Variants in SPATA16 observed in about 807,000 individuals in gnomAD.
SPATA16 encodes spermatogenesis-associated protein 16.
Under a neutral mutation model 63.3 loss-of-function variants are expected in SPATA16, and 36 were observed. That is an observed-to-expected ratio of 0.57 (90% CI 0.44 to 0.75). The LOEUF (loss-of-function observed/expected upper bound fraction) is 0.75, where lower values mean the gene tolerates loss of function less well. Ranked by LOEUF, SPATA16 falls within the 30% of genes least tolerant of loss-of-function variation. SPATA16 has a pLI of 0.00. For synonymous variants in SPATA16, 203 were observed against 216.7 expected (o/e 0.94, Z 0.56); for missense variants, 646 against 679.3 (o/e 0.95, Z 0.54).
chr3:172,985,072 A>G (rs776860727), intron 4 of SPATA16, among the ~76,000 whole-genome samples: 7 of 152,170 alleles, frequency 4.6e-5, no homozygotes, highest in Admixed American at 4.6e-4. Flanking sequence ...TCTAAAAACT[A>G]TATTCACTGT....
At chr3:172,904,635 C>T (rs753211480) in intron 10 of SPATA16, among the ~76,000 whole-genome samples, 6 of 152,222 alleles carry the variant, frequency 3.9e-5, no homozygotes, top group Non-Finnish European at 7.3e-5. Flanking sequence ...TTAGCAAATG[C>T]AGCTGCTGAA....
Position 172,889,736 on chromosome 3 carries a change from C to G in SPATA16, c.1588-44G>C, listed in dbSNP as rs747085967. On this transcript the variant is annotated intron_variant, in intron 10 of 10. Transcript: ENST00000351008. ...TGCAACAAGATTTGTTGTTGTTTTC[C>G]TGGGTTTTGTATACTTATAAAAACG... The G allele has an allele frequency of 1.9e-6, 3 of 1,607,104 alleles. No individual in the cohort carries two copies. The South Asian group carries it at 3.3e-5, about 18-fold the overall frequency.
At chr3:172,899,121 C>A (rs1732070660) in intron 10 of SPATA16, among the ~76,000 whole-genome samples, 2 of 151,914 alleles carry the variant, frequency 1.3e-5, no homozygotes, top group South Asian at 4.1e-4. Flanking sequence ...GTTCCATGGG[C>A]ACATAAACGT....
chr3:172,964,448 C>T (rs1165550419), intron 5 of SPATA16, among the ~76,000 whole-genome samples: 1 of 152,090 alleles, frequency 6.6e-6, no homozygotes, highest in Non-Finnish European at 1.5e-5. Flanking sequence ...TTTAGGATGC[C>T]ACAGAGCTTT....
chr3:172,909,557 C>T (rs1419636917), intron 10 of SPATA16, among the ~76,000 whole-genome samples: 1 of 152,184 alleles, frequency 6.6e-6, no homozygotes, highest in Non-Finnish European at 1.5e-5. Flanking sequence ...CGGTTAGGTA[C>T]TCCAGTCAAC....
At chr3:173,055,725 T>TAC (rs561941345) in intron 2 of SPATA16, among the ~76,000 whole-genome samples, 1 of 152,172 alleles carries the variant, frequency 6.6e-6, no homozygotes, top group Non-Finnish European at 1.5e-5. Flanking sequence ...ACAGACATAA[T>TAC]ACACACACAC....
intron 2 of SPATA16, among the ~76,000 whole-genome samples, chr3:173,103,912 G>A (rs914706634): frequency 3.0e-4 from 45 of 152,162 alleles, no homozygotes; most frequent in Admixed American, 2.6e-3. Flanking sequence ...TAAATATAGA[G>A]TGCAACTTTA....
intron 4 of SPATA16, among the ~76,000 whole-genome samples, chr3:172,998,842 T>G (rs897432833): frequency 6.6e-6 from 1 of 152,212 alleles, no homozygotes; most frequent in African/African-American, 2.4e-5. Flanking sequence ...TATGATGGAT[T>G]ACTTCAATTT....
intron 4 of SPATA16, among the ~76,000 whole-genome samples, chr3:172,990,271 G>A (rs2108260167): frequency 6.6e-6 from 1 of 152,308 alleles, no homozygotes; most frequent in South Asian, 2.1e-4. Context: ...ATATCAGCAA[G>A]TATCTAGAAT....
chr3:172,979,580 T>C (rs2108253136), intron 4 of SPATA16, among the ~76,000 whole-genome samples: 1 of 152,346 alleles, frequency 6.6e-6, no homozygotes, highest in African/African-American at 2.4e-5. Context: ...TTAATGCTTT[T>C]GGTAATTTGG....
chr3:173,073,366 A>C (rs775249011), intron 2 of SPATA16, among the ~76,000 whole-genome samples: 1 of 152,236 alleles, frequency 6.6e-6, no homozygotes, highest in Non-Finnish European at 1.5e-5. Flanking sequence ...AGAGACCTTC[A>C]TGGCAGCCTC....
intron 2 of SPATA16, among the ~76,000 whole-genome samples, chr3:173,069,112 G>GAAAAAAAAAAA (rs541801266): frequency 3.1e-4 from 34 of 109,152 alleles, no homozygotes; most frequent in African/African-American, 1.2e-3. Context: ...TCCGTCTCAA[G>GAAAAAAAAAAA]AAAAAAAAAA....
At chr3:173,015,836 T>A (rs935634751) in intron 4 of SPATA16, among the ~76,000 whole-genome samples, 2 of 150,292 alleles carry the variant, frequency 1.3e-5, no homozygotes, top group African/African-American at 4.9e-5. Flanking sequence ...GAATATTTTC[T>A]TCTCATGAAG....
chr3:173,107,608 T>G (rs899208217), intron 2 of SPATA16, among the ~76,000 whole-genome samples: 2 of 152,118 alleles, frequency 1.3e-5, no homozygotes, highest in East Asian at 3.8e-4. Flanking sequence ...TGAAACTAAA[T>G]TTTCCTTTAA....
chr3:172,912,644 C>T (rs1732393750), intron 10 of SPATA16, among the ~76,000 whole-genome samples: 1 of 151,974 alleles, frequency 6.6e-6, no homozygotes, highest in Admixed American at 6.6e-5. Flanking sequence ...TATATTTTCT[C>T]TTCATTATGA....
chr3:173,097,178 T>A (rs550047761), intron 2 of SPATA16, among the ~76,000 whole-genome samples: 1 of 152,298 alleles, frequency 6.6e-6, no homozygotes, highest in African/African-American at 2.4e-5. Flanking sequence ...ATGCTCTAGA[T>A]GCCACCCACA....
chr3:172,975,506 A>T (rs1734136451), intron 5 of SPATA16, among the ~76,000 whole-genome samples: 1 of 143,816 alleles, frequency 7.0e-6, no homozygotes, highest in African/African-American at 3.0e-5. Context: ...AAATCCTTAT[A>T]AAAAAGTCCT....
chr3:172,961,829 C>T (rs1248049978), intron 5 of SPATA16, among the ~76,000 whole-genome samples: 2 of 152,134 alleles, frequency 1.3e-5, no homozygotes, highest in African/African-American at 4.8e-5. Flanking sequence ...TCCAGACTCC[C>T]TTACAATGAA....
chr3:173,125,597 T>C (rs1254976986), intron 1 of SPATA16, among the ~76,000 whole-genome samples: 1 of 152,246 alleles, frequency 6.6e-6, no homozygotes, highest in Non-Finnish European at 1.5e-5. Context: ...GCTAGACTAT[T>C]GTTTCCACTG....
Sources: gnomAD v4.1 joint callset for allele counts (sites outside exome capture counted in the v4.1 genomes callset) on GRCh38, gnomAD v4.1.1 for gene constraint, MANE v1.5 for transcripts, NCBI Gene and HGNC (gene_info 2026-07-23, HGNC 2026-07-21) for gene names.